The following VPS51 variants were observed in gnomAD, a reference collection of about 807,000 sequenced individuals.
VPS51 encodes the protein vacuolar protein sorting-associated protein 51 homolog.
VPS51 carries 55 observed loss-of-function variants against 65.1 expected under a neutral mutation model. That is an observed-to-expected ratio of 0.84 (90% confidence interval 0.68 to 1.06). The LOEUF (loss-of-function observed/expected upper bound fraction) is 1.06. Ranked by LOEUF, VPS51 falls within the 50% of genes least tolerant of loss-of-function variation. The pLI is 0.00. For synonymous variants in VPS51, 473 were observed against 489.5 expected, an observed-to-expected ratio of 0.97 and a Z score of 0.44; for missense variants, 943 against 1,101.6, an observed-to-expected ratio of 0.86 and a Z score of 2.04.
intron 2 of VPS51, among the ~76,000 whole-genome samples, chr11:65,102,853 A>G (rs558942124): frequency 6.6e-6 from 1 of 152,056 alleles, no homozygotes; most frequent in South Asian, 2.1e-4. Flanking sequence ...GGCAAGAAAA[A>G]TTTTCTTGCC....
At chr11:65,096,945 C>T in intron 1 of VPS51, 53 bp from the exon 2 acceptor site, 1 of 1,607,476 alleles carries the variant, frequency 6.2e-7, no homozygotes. Context: ...GCAGGCAAGG[C>T]TGGGGGACAT....
In VPS51 at chr11:65,111,342, G is replaced by C; in HGVS notation, c.2104G>C (p.Gly702Arg). 1 of 1,604,866 alleles carries C rather than the reference G, an allele frequency of 6.2e-7. No homozygotes were observed. Among genetic ancestry groups the C allele is most frequent in the Non-Finnish European group, 8.5e-7 (1 of 1,179,558 alleles). ...VEFNKVSVLT[G>R]IIKISLKTLL... ...CTGCCTGCAGGTGTCGGTGCTGACC[G>C]GCATCATCAAGATCAGCCTGAAGAC... The change falls in exon 10 of 10, where the codon GGC (glycine) becomes CGC (arginine). Residue 702 changes from glycine to arginine, a missense_variant. By Grantham distance (125) the Gly-to-Arg change is moderately radical (BLOSUM62 -2). Transcript: ENST00000279281.
Position 65,097,042 on chromosome 11 carries a change from G to A in VPS51, c.273G>A (p.Thr91=). The A allele has an allele frequency of 6.2e-7, 1 of 1,613,994 alleles. No individual in the cohort carries two copies. Among genetic ancestry groups the A allele is most frequent in the Non-Finnish European group, 8.5e-7 (1 of 1,180,014 alleles). The change falls in exon 2 of 10, where the codon ACG becomes ACA. Residue 91 remains threonine (T), a synonymous_variant. Coordinates refer to ENST00000279281, the MANE Select transcript of VPS51 (RefSeq NM_013265.4). ...TGGCCCAGTTGATGGACAGTGAGACGGACATGGTGCGGCAGATCCGGGCTC... is the reference window on the plus strand; with the variant it reads ...TGGCCCAGTTGATGGACAGTGAGACAGACATGGTGCGGCAGATCCGGGCTC... The part of the protein sequence containing the change: ...CPLAQLMDSE[T]DMVRQIRALD...
Position 65,107,395 on chromosome 11 carries a change from A to C in VPS51, c.359-186A>C. 8.5e-5 allele frequency: 56 copies of C among 659,734 alleles called. No individual in the cohort carries two copies. Among genetic ancestry groups the C allele is most frequent in the Non-Finnish European group, 9.8e-5 (38 of 388,304 alleles). 40.9% of individuals were successfully genotyped at this position (659,734 alleles called of 1,614,324 possible). A position where few individuals can be genotyped will look rare whatever the true frequency, so the allele number is the denominator to read the frequency against. On this transcript the variant is annotated intron_variant, in intron 2 of 9. Coordinates refer to ENST00000279281, the MANE Select transcript of VPS51 (RefSeq NM_013265.4). The surrounding 1 kb of genome is among the most constrained non-coding windows in gnomAD (Gnocchi z 4.0). ...TATGTGAGTAACGCCTGCTTTGGGA[A>C]CATAAACCCCCTCCCCCGCCCCCAT...
chr11:65,103,155 G>A (rs769580031), intron 2 of VPS51, among the ~76,000 whole-genome samples: 14 of 152,166 alleles, frequency 9.2e-5, no homozygotes, highest in Non-Finnish European at 1.5e-4. Flanking sequence ...CGCCTCCCCA[G>A]TTAAGGTGAT....
At chr11:65,109,948 G>A (rs772159072) in intron 7 of VPS51, 25 bp downstream of exon 7, 7 of 1,565,794 alleles carry the variant, frequency 4.5e-6, no homozygotes, top group Non-Finnish European at 6.0e-6. Flanking sequence ...GGCCGGGGTA[G>A]CCCTGACGCA....
chr11:65,099,643 A>C (rs1271737744), intron 2 of VPS51, among the ~76,000 whole-genome samples: 1 of 151,912 alleles, frequency 6.6e-6, no homozygotes, highest in African/African-American at 2.4e-5. Flanking sequence ...AAAAAAAAAT[A>C]GCTGGGTATG....
At chr11:65,099,055 G>A (rs1185316394) in intron 2 of VPS51, among the ~76,000 whole-genome samples, 1 of 152,146 alleles carries the variant, frequency 6.6e-6, no homozygotes, top group African/African-American at 2.4e-5. Flanking sequence ...GGGCAAGGTG[G>A]TGCATGCCTG....
At position 65,108,337 on chromosome 11, in the gene VPS51, C is replaced by T. The variant is rs747667136; in HGVS notation, c.866C>T (p.Ala289Val). ...GAGAAGGAGCTGAGAAACCTGGAGG[C>T]CGAGCTGGGGCCCTCACCTCCGGCT... ...RLEKELRNLE[A>V]ELGPSPPAPD... The change falls in exon 5 of 10, where the codon GCC becomes GTC. Residue 289 changes from alanine to valine, a missense_variant. Around this residue, in one of 2 missense-constraint regions of VPS51, gnomAD observed 855 missense variants for 953.7 expected, o/e 0.90. Transcript: ENST00000279281. The T allele has an allele frequency of 2.5e-6, 4 of 1,611,168 alleles. No individual in the cohort carries two copies. The South Asian group carries it at 3.3e-5, about 13-fold the overall frequency.
At chr11:65,109,622 CTG>C in intron 6 of VPS51, 81 bp from the exon 7 acceptor site, 3 of 1,512,020 alleles carry the variant, frequency 2.0e-6, no homozygotes, top group Non-Finnish European at 2.7e-6. Flanking sequence ...CTTGCCCAAT[CTG>C]TGCCCAGCTC....
chr11:65,101,458 A>T (rs759363547), intron 2 of VPS51, among the ~76,000 whole-genome samples: 32 of 152,186 alleles, frequency 2.1e-4, no homozygotes, highest in Non-Finnish European at 3.8e-4. Context: ...AGTCTTTGAC[A>T]GTACATTTCA....
At chr11:65,101,678 G>T (rs1035589330) in intron 2 of VPS51, among the ~76,000 whole-genome samples, 3 of 144,298 alleles carry the variant, frequency 2.1e-5, no homozygotes, top group Non-Finnish European at 3.0e-5. Flanking sequence ...GAGGTGGAAG[G>T]CTTGTACCTG....
At chr11:65,098,299 C>T (rs1323394408) in intron 2 of VPS51, among the ~76,000 whole-genome samples, 1 of 152,178 alleles carries the variant, frequency 6.6e-6, no homozygotes, top group Non-Finnish European at 1.5e-5. Context: ...GGTCTTGTCC[C>T]TCCCTTTCTT....
At chr11:65,110,422 C>T (rs946892867) in intron 7 of VPS51, 60 bp from the exon 8 acceptor site, 4 of 1,612,450 alleles carry the variant, frequency 2.5e-6, no homozygotes, top group Admixed American at 3.3e-5. Flanking sequence ...TCCTCAGCAC[C>T]GATGGGCTGG....
Position 65,108,851 on chromosome 11 carries a change from T to C in VPS51, c.1380T>C (p.Ser460=), listed in dbSNP as rs1186057690. Reference sequence around the variant, plus strand: ...CCATCCTGAGCCACATTAAGGCCTCTCTGGCAGCAGTGCACCTTTTCACCG... The same window carrying C: ...CCATCCTGAGCCACATTAAGGCCTCCCTGGCAGCAGTGCACCTTTTCACCG... The part of the protein sequence containing the change: ...ASSILSHIKA[S]LAAVHLFTAK... Residue 460 remains serine (S), a synonymous_variant, in exon 5 of 10, where the codon TCT becomes TCC. Transcript: ENST00000279281. 3.7e-6 allele frequency: 6 copies of C among 1,612,906 alleles called. No individual in the cohort carries two copies. The highest frequency in any genetic ancestry group is 2.7e-5 in the African/African-American group (2 of 74,944).
In VPS51 at chr11:65,109,400, G is replaced by T. The variant is rs1036557217; in HGVS notation, c.1564G>T (p.Ala522Ser). The part of the protein sequence containing the change: ...PGEKGGATPP[A>S]LLLLLSRLCL... ...GGAGAAGGGGGGTGCCACACCACCT[G>T]CCCTGCTCCTGCTGCTCTCCCGCCT... The change falls in exon 6 of 10, where the codon GCC becomes TCC. Residue 522 changes from alanine (A) to serine (S), a missense_variant. Ala to Ser is a moderately conservative substitution (Grantham distance 99). Transcript: ENST00000279281. 2.5e-6 allele frequency: 4 copies of T among 1,611,702 alleles called. No individual in the cohort carries two copies. The South Asian group carries it at 3.3e-5, about 13-fold the overall frequency.
At chr11:65,098,910 C>T (rs562276865) in intron 2 of VPS51, among the ~76,000 whole-genome samples, 271 of 152,222 alleles carry the variant, frequency 1.8e-3, no homozygotes, top group Middle Eastern at 3.4e-3. Context: ...AGTGAGGGGC[C>T]GGGCATGGGG....
intron 2 of VPS51, among the ~76,000 whole-genome samples, chr11:65,099,830 C>T (rs936033166): frequency 2.0e-5 from 3 of 151,906 alleles, no homozygotes; most frequent in African/African-American, 7.3e-5. Context: ...AGGCCAGGTG[C>T]GGTGGCTTAT....
chr11:65,097,591 C>T (rs1947779642), intron 2 of VPS51, among the ~76,000 whole-genome samples: 2 of 152,184 alleles, frequency 1.3e-5, no homozygotes, highest in Non-Finnish European at 2.9e-5. Context: ...TGGCTCATGC[C>T]TGTAATCCCA....
Sources: allele counts gnomAD v4.1 joint callset (sites outside exome capture counted in the v4.1 genomes callset), GRCh38; gene constraint gnomAD v4.1.1; regional missense constraint gnomAD v4.1.1; non-coding constraint Gnocchi (gnomAD v3.1); transcripts MANE v1.5; gene names NCBI Gene and HGNC (gene_info 2026-07-23, HGNC 2026-07-21).